KANK1: variants seen among roughly 807,000 people sequenced by gnomAD.
KANK1 encodes the protein KN motif and ankyrin repeat domains 1, also known as KN motif and ankyrin repeat domain-containing protein 1.
KANK1 carries 109 observed loss-of-function variants against 106.2 expected under a neutral mutation model. That is an observed-to-expected ratio of 1.03 (90% CI 0.88 to 1.20). The LOEUF (loss-of-function observed/expected upper bound fraction) is 1.20, where lower values mean the gene tolerates loss of function less well. KANK1 is among the 50% of genes most tolerant of loss of function. KANK1 has a pLI of 0.00. For synonymous variants in KANK1, 873 were observed against 652.2 expected, an observed-to-expected ratio of 1.34 and a Z score of -5.16; for missense variants, 2,399 against 1,710.7, an observed-to-expected ratio of 1.40 and a Z score of -7.10.
At chr9:649,711 A>C (rs1457782268) in intron 1 of KANK1, among the ~76,000 whole-genome samples, 1 of 152,172 alleles carries the variant, frequency 6.6e-6, no homozygotes, top group Non-Finnish European at 1.5e-5. Context: ...AAGGCCCATC[A>C]AGGTTTTCAT....
intron 1 of KANK1, among the ~76,000 whole-genome samples, chr9:592,126 A>G (rs1336155098): frequency 6.6e-6 from 1 of 151,838 alleles, no homozygotes; most frequent in Non-Finnish European, 1.5e-5. Context: ...GTAGGAAAAG[A>G]TGCAAACCTT....
At chr9:719,773 T>C (rs914684558) in intron 3 of KANK1, among the ~76,000 whole-genome samples, 2 of 152,042 alleles carry the variant, frequency 1.3e-5, no homozygotes, top group East Asian at 3.9e-4. Context: ...AGAGATGGGG[T>C]CTTGCTTTGT....
intron 1 of KANK1, among the ~76,000 whole-genome samples, chr9:647,909 G>A (rs991329143): frequency 6.7e-6 from 1 of 150,160 alleles, no homozygotes; most frequent in African/African-American, 2.5e-5. Context: ...GGACCCGGTT[G>A]ACCCAGTACA....
chr9:526,563 T>A (rs2059800756), intron 1 of KANK1, among the ~76,000 whole-genome samples: 1 of 151,626 alleles, frequency 6.6e-6, no homozygotes, highest in Non-Finnish European at 1.5e-5. Flanking sequence ...AAAATAAAAA[T>A]TACAAAAAAT....
In KANK1 at chr9:684,281, C is replaced by T. The variant is rs566810671; in HGVS notation, c.37+7272C>T. The T allele has an allele frequency of 2.5e-3, 2,437 of 985,360 alleles. 5 individuals are homozygous for T. The highest frequency in any genetic ancestry group is 2.6e-3 in the Non-Finnish European group (2,185 of 829,914). The allele number at this position is 985,360 out of a possible 1,614,324, so 61.0% of individuals were successfully genotyped here. A position where few individuals can be genotyped will look rare whatever the true frequency, so the allele number is the denominator to read the frequency against. Reference sequence around the variant, plus strand: ...AGGATGATTTATCTTCCAGTGAGTACCAGCCTATTTGAGTGTAGGAAGGAG... The same window carrying T: ...AGGATGATTTATCTTCCAGTGAGTATCAGCCTATTTGAGTGTAGGAAGGAG... On this transcript the variant is annotated intron_variant, in intron 2 of 11. Transcript: ENST00000382297.
intron 1 of KANK1, among the ~76,000 whole-genome samples, chr9:626,886 C>A (rs1416709496): frequency 6.6e-6 from 1 of 152,190 alleles, no homozygotes. Context: ...GTGTGTTAAA[C>A]CAGATAGAAG....
At chr9:722,078 G>A (rs2131358125) in intron 3 of KANK1, among the ~76,000 whole-genome samples, 1 of 152,286 alleles carries the variant, frequency 6.6e-6, no homozygotes, top group Non-Finnish European at 1.5e-5. Flanking sequence ...TCTTACTTCT[G>A]ACCTCCAAGC....
At chr9:565,494 A>G (rs1214123216) in intron 1 of KANK1, among the ~76,000 whole-genome samples, 1 of 152,202 alleles carries the variant, frequency 6.6e-6, no homozygotes, top group Non-Finnish European at 1.5e-5. Flanking sequence ...CGCATGGGAG[A>G]TGGAGTTATC....
At chr9:635,234 C>G (rs76528914) in intron 1 of KANK1, among the ~76,000 whole-genome samples, 3,893 of 152,216 alleles carry the variant, frequency 0.026, 170 homozygotes, top group African/African-American at 0.086. Context: ...ACCACCAAAC[C>G]TGCTCTCTGC....
intron 9 of KANK1, among the ~76,000 whole-genome samples, chr9:741,700 GA>G (rs1835601879): frequency 6.6e-6 from 1 of 152,008 alleles, no homozygotes; most frequent in Non-Finnish European, 1.5e-5. Context: ...TGTTAGCCAG[GA>G]TGGTCTTGAT....
At chr9:620,510 C>G (rs975296442) in intron 1 of KANK1, among the ~76,000 whole-genome samples, 17 of 151,964 alleles carry the variant, frequency 1.1e-4, no homozygotes, top group African/African-American at 4.1e-4. Flanking sequence ...TCAAGCGATT[C>G]TCCTGCCTCT....
At chr9:707,479 G>T (rs112760921) in intron 2 of KANK1, among the ~76,000 whole-genome samples, 21 of 151,364 alleles carry the variant, frequency 1.4e-4, no homozygotes, top group South Asian at 1.3e-3. Context: ...GTTTCAGACA[G>T]TCCTGGAGAC....
intron 2 of KANK1, chr9:693,862 C>T (rs1038093076): frequency 5.3e-6 from 5 of 949,586 alleles, no homozygotes; most frequent in South Asian, 4.9e-5. Context: ...AATATAAACT[C>T]GAGCTCTGTG....
chr9:713,094 G>C lies in KANK1; in HGVS notation c.2328G>C (p.Met776Ile). The change falls in exon 3 of 12, where the codon ATG becomes ATC. Residue 776 changes from methionine to isoleucine, a missense_variant. Met to Ile is a conservative substitution (Grantham distance 10). Coordinates refer to ENST00000382297, the MANE Select transcript of KANK1 (RefSeq NM_015158.5). ...ACAACTATCTGGTTGGTCTCAAAAT[G>C]AGGACTATAGCTTGTGGGCCACCAC... ...INDNYLVGLK[M>I]RTIACGPPQL... 1 of 1,611,956 alleles carries C rather than the reference G, an allele frequency of 6.2e-7. No homozygotes were observed. Among genetic ancestry groups the C allele is most frequent in the South Asian group, 1.1e-5 (1 of 90,878 alleles).
chr9:555,077 T>G lies in KANK1; in HGVS notation c.-84+50323T>G, dbSNP rs542180344. ...TAACCTGCATACCAGGTAATGTTTCTGCTGCTGGCCTAGCGACCACACTTT... is the reference window on the plus strand; with the variant it reads ...TAACCTGCATACCAGGTAATGTTTCGGCTGCTGGCCTAGCGACCACACTTT... On this transcript the variant is annotated intron_variant, in intron 1 of 11. Coordinates refer to ENST00000382297, the MANE Select transcript of KANK1 (RefSeq NM_015158.5). Among the ~76,000 whole-genome samples the G allele has an allele frequency of 3.3e-5, 5 of 152,358 alleles. No individual in the cohort carries two copies. The South Asian group carries it at 1.0e-3, about 32-fold the overall frequency.
intron 3 of KANK1, among the ~76,000 whole-genome samples, chr9:479,508 G>A (rs2058166217): frequency 7.0e-6 from 1 of 143,330 alleles, no homozygotes; most frequent in South Asian, 2.2e-4. Context: ...AATGGGGACG[G>A]AGGGACTAAG....
intron 1 of KANK1, among the ~76,000 whole-genome samples, chr9:670,864 G>A (rs780954078): frequency 1.5e-4 from 23 of 151,826 alleles, no homozygotes; most frequent in South Asian, 4.2e-4. Flanking sequence ...TGAGTTGGGG[G>A]AAGTTTTACA....
intron 1 of KANK1, among the ~76,000 whole-genome samples, chr9:572,622 C>G (rs1481960086): frequency 6.6e-6 from 1 of 152,036 alleles, no homozygotes; most frequent in Non-Finnish European, 1.5e-5. Context: ...AATTCCTGGC[C>G]TCAGGCAATC....
At chr9:662,954 G>T (rs1050119899) in intron 1 of KANK1, among the ~76,000 whole-genome samples, 1 of 152,144 alleles carries the variant, frequency 6.6e-6, no homozygotes, top group African/African-American at 2.4e-5. Context: ...GAGCCACCAC[G>T]CCAGGCCTAA....
Sources: allele counts gnomAD v4.1 joint callset (sites outside exome capture counted in the v4.1 genomes callset), GRCh38; gene constraint gnomAD v4.1.1; transcripts MANE v1.5; gene names NCBI Gene and HGNC (gene_info 2026-07-23, HGNC 2026-07-21).